Variants in CNKSR2 observed in about 807,000 individuals in gnomAD.
CNKSR2 encodes CNK homolog protein 2.
A neutral mutation model predicts 84.4 loss-of-function variants in CNKSR2; 14 were observed. That is an observed-to-expected ratio of 0.17 (90% CI 0.11 to 0.26). The LOEUF is 0.26. CNKSR2 is among the 10% of genes least tolerant of loss of function. The pLI is 1.00. For missense variants in CNKSR2, 485 were observed against 771.2 expected (o/e 0.63, Z 4.40); for synonymous variants, 275 against 277.9 (o/e 0.99, Z 0.10).
At chrX:21,445,987 T>C (rs997778169) in intron 4 of CNKSR2, among the ~76,000 whole-genome samples, 8 of 111,806 alleles carry the variant, frequency 7.2e-5, no homozygotes. Flanking sequence ...CTGGATCATA[T>C]GATAGTTCTA....
chrX:21,641,169 A>G (rs144998295), intron 20 of CNKSR2, among the ~76,000 whole-genome samples: 48 of 112,337 alleles, frequency 4.3e-4, no homozygotes, highest in African/African-American at 1.5e-3. Context: ...AGAAATGGTA[A>G]TTTTACATGT....
intron 4 of CNKSR2, among the ~76,000 whole-genome samples, chrX:21,461,202 C>G (rs1322795419): frequency 1.8e-5 from 2 of 112,281 alleles, no homozygotes; most frequent in East Asian, 5.6e-4. Flanking sequence ...TTGTTATTGT[C>G]TGTCTTTTGG....
At chrX:21,440,524 A>T (rs945439257) in intron 3 of CNKSR2, among the ~76,000 whole-genome samples, 170 bp from the exon 4 acceptor site, 2 of 111,905 alleles carry the variant, frequency 1.8e-5, no homozygotes, top group Non-Finnish European at 3.8e-5. Flanking sequence ...ATTTTCTTCC[A>T]ATCATTTCTT....
At chrX:21,516,427 C>T in intron 8 of CNKSR2, 58 bp from the exon 9 acceptor site, 1 of 1,091,142 alleles carries the variant, frequency 9.2e-7, no homozygotes, top group Middle Eastern at 2.7e-4. Flanking sequence ...AGGGGGAGAA[C>T]ATTAAATCTT....
chrX:21,599,821 CT>C (rs939303166), intron 17 of CNKSR2, among the ~76,000 whole-genome samples: 2 of 111,626 alleles, frequency 1.8e-5, no homozygotes, highest in Admixed American at 1.9e-4. Flanking sequence ...AATTTAACCC[CT>C]TTTTCACTGC....
At chrX:21,399,807 A>C (rs1395515469) in intron 1 of CNKSR2, among the ~76,000 whole-genome samples, 5 of 111,867 alleles carry the variant, frequency 4.5e-5, no homozygotes, top group Non-Finnish European at 5.7e-5. Flanking sequence ...CTTTGAAGCC[A>C]AATACACCTA....
At chrX:21,569,485 C>T (rs2092267442) in intron 13 of CNKSR2, among the ~76,000 whole-genome samples, 1 of 111,672 alleles carries the variant, frequency 9.0e-6, no homozygotes, top group African/African-American at 3.3e-5. Flanking sequence ...TTGTTATTTC[C>T]ACAACATTTG....
At chrX:21,465,232 TC>T (rs2091111994) in intron 4 of CNKSR2, among the ~76,000 whole-genome samples, 1 of 111,736 alleles carries the variant, frequency 8.9e-6, no homozygotes, top group African/African-American at 3.2e-5. Context: ...TTTTCTCCCC[TC>T]CTACTTAATG....
intron 11 of CNKSR2, among the ~76,000 whole-genome samples, chrX:21,559,856 A>G (rs1468253419): frequency 2.7e-5 from 3 of 111,909 alleles, no homozygotes; most frequent in Non-Finnish European, 5.7e-5. Flanking sequence ...TTTTTGGCTC[A>G]TTAATAATTT....
At chrX:21,589,528 T>G (rs1413914234) in intron 13 of CNKSR2, among the ~76,000 whole-genome samples, 1 of 112,279 alleles carries the variant, frequency 8.9e-6, no homozygotes, top group Admixed American at 9.5e-5. Context: ...CTCTGTTCCC[T>G]TTTAGCTGGC....
At chrX:21,517,616 T>C (rs949673492) in intron 9 of CNKSR2, among the ~76,000 whole-genome samples, 5 of 111,260 alleles carry the variant, frequency 4.5e-5, no homozygotes, top group African/African-American at 6.5e-5. Context: ...TGTAATGATT[T>C]TTTTTCTATT....
At chrX:21,443,673 A>G (rs2090815618) in intron 4 of CNKSR2, among the ~76,000 whole-genome samples, 1 of 111,766 alleles carries the variant, frequency 8.9e-6, no homozygotes, top group Non-Finnish European at 1.9e-5. Flanking sequence ...CGCAGAAACA[A>G]TTAGTGCTGT....
At chrX:21,613,168 G>A (rs904938238) in intron 20 of CNKSR2, among the ~76,000 whole-genome samples, 5 of 112,042 alleles carry the variant, frequency 4.5e-5, no homozygotes, top group African/African-American at 1.6e-4. Flanking sequence ...ACCTTTAAAG[G>A]AATATAAATT....
rs191626450 is a variant in CNKSR2, at chrX:21,439,389, C to T, written c.432-1305C>T. Among the ~76,000 whole-genome samples the T allele has an allele frequency of 1.0e-4, 11 of 110,395 alleles. No homozygotes were observed. The East Asian group carries it at 3.1e-3, about 31-fold the overall frequency. ...AAAAGGAAGTGTATAGCACTGAATG[C>T]TTATATATATCAGAAATATATATAT... On this transcript the variant is annotated intron_variant, in intron 3 of 21. Transcript: ENST00000379510.
intron 1 of CNKSR2, 41 bp downstream of exon 1, chrX:21,375,002 C>T: frequency 9.1e-7 from 1 of 1,104,084 alleles, no homozygotes; most frequent in African/African-American, 1.8e-5. Context: ...CACTGGGGCG[C>T]GGGGCACCAG....
At chrX:21,470,081 G>A (rs759397792) in intron 4 of CNKSR2, among the ~76,000 whole-genome samples, 5 of 111,466 alleles carry the variant, frequency 4.5e-5, no homozygotes, top group Admixed American at 9.6e-5. Flanking sequence ...AGGAAACTGC[G>A]CCATAGAAAC....
intron 18 of CNKSR2, 140 bp from the exon 19 acceptor site, chrX:21,606,639 C>T: frequency 2.6e-6 from 1 of 378,686 alleles, no homozygotes; most frequent in South Asian, 7.3e-5. Context: ...GTTGGTAGGC[C>T]AAGGGTAAGG....
intron 13 of CNKSR2, among the ~76,000 whole-genome samples, chrX:21,577,340 C>T (rs996877407): frequency 3.6e-5 from 4 of 111,070 alleles, no homozygotes; most frequent in African/African-American, 1.3e-4. Context: ...ATTAGTGATG[C>T]ACCATGTAAA....
At chrX:21,634,964 G>A (rs2092663646) in intron 20 of CNKSR2, among the ~76,000 whole-genome samples, 1 of 105,631 alleles carries the variant, frequency 9.5e-6, no homozygotes, top group South Asian at 4.4e-4. Flanking sequence ...GATTTTGGGA[G>A]GATTACTGTT....
Sources: allele counts gnomAD v4.1 joint callset (sites outside exome capture counted in the v4.1 genomes callset), GRCh38; gene constraint gnomAD v4.1.1; transcripts MANE v1.5; gene names NCBI Gene and HGNC (gene_info 2026-07-23, HGNC 2026-07-21).